The following SPATS1 variants were observed in gnomAD, a reference collection of about 807,000 sequenced individuals.
SPATS1 encodes the protein spermatogenesis associated serine rich 1.
A neutral mutation model predicts 33.6 loss-of-function variants in SPATS1; 23 were observed. That is an observed-to-expected ratio of 0.68 (90% CI 0.49 to 0.97). SPATS1 has a LOEUF of 0.97. Among genes scored for constraint, SPATS1 ranks in the 50% least tolerant of loss-of-function variants. The pLI, the probability that SPATS1 is intolerant of heterozygous loss-of-function variation, is 0.00. For synonymous variants in SPATS1, 131 were observed against 125.6 expected, an observed-to-expected ratio of 1.04 and a Z score of -0.29; for missense variants, 327 against 361.0, an observed-to-expected ratio of 0.91 and a Z score of 0.76.
chr6:44,373,980 C>A (rs1334815422), intron 7 of SPATS1, among the ~76,000 whole-genome samples: 1 of 152,124 alleles, frequency 6.6e-6, no homozygotes, highest in African/African-American at 2.4e-5. Flanking sequence ...AATCATAAAA[C>A]AATTGAAAGC....
intron 4 of SPATS1, among the ~76,000 whole-genome samples, chr6:44,360,932 A>G (rs1463747913): frequency 6.6e-6 from 1 of 152,218 alleles, no homozygotes; most frequent in African/African-American, 2.4e-5. Flanking sequence ...ATACACGTGT[A>G]CATATATAGA....
At chr6:44,352,657 C>A (rs1234034749) in intron 2 of SPATS1, 69 bp from the exon 3 acceptor site, 6 of 1,448,342 alleles carry the variant, frequency 4.1e-6, no homozygotes, top group Non-Finnish European at 5.8e-6. Flanking sequence ...TATTTATAAT[C>A]TAGGAAACAA....
Position 44,375,350 on chromosome 6 carries a change from A to G in SPATS1, c.759-1008A>G, listed in dbSNP as rs182740534. Among the ~76,000 whole-genome samples the G allele has an allele frequency of 3.5e-4, 54 of 152,336 alleles. No individual in the cohort carries two copies. The East Asian group carries it at 5.8e-3, about 16-fold the overall frequency. On this transcript the variant is annotated intron_variant, in intron 7 of 8. Coordinates refer to ENST00000674044, the MANE Select transcript of SPATS1 (RefSeq NM_001372081.1). ...GAGGGATCACAGTTTGCAGAACAGTAAGCGCTGGAGCTCCGGGAGAAGGGC... is the reference window on the plus strand; with the variant it reads ...GAGGGATCACAGTTTGCAGAACAGTGAGCGCTGGAGCTCCGGGAGAAGGGC...
intron 3 of SPATS1, among the ~76,000 whole-genome samples, chr6:44,357,864 T>G (rs1788685353): frequency 6.6e-6 from 1 of 152,226 alleles, no homozygotes; most frequent in South Asian, 2.1e-4. Context: ...GCTGAGCCAG[T>G]GAGTCCTTCC....
chr6:44,367,414 T>C (rs1006659341), intron 5 of SPATS1, among the ~76,000 whole-genome samples: 2 of 152,244 alleles, frequency 1.3e-5, no homozygotes, highest in Admixed American at 6.5e-5. Context: ...ATGGGTGCAG[T>C]TGATGTTATT....
intron 5 of SPATS1, 148 bp downstream of exon 5, chr6:44,362,140 G>GCTGGAGT: frequency 9.9e-7 from 1 of 1,006,512 alleles, no homozygotes. Context: ...AAGTGAAGGG[G>GCTGGAGT]ACAGTTTGCA....
Position 44,376,465 on chromosome 6 carries a change from A to G in SPATS1, c.866A>G (p.His289Arg), listed in dbSNP as rs1384249187. 1 of 1,604,652 alleles carries G rather than the reference A, an allele frequency of 6.2e-7. No homozygotes were observed. Among genetic ancestry groups the G allele is most frequent in the Non-Finnish European group, 8.5e-7 (1 of 1,174,866 alleles). Residue 289 changes from histidine to arginine, a missense_variant, in exon 8 of 9, where the codon CAC becomes CGC. Physicochemically the swap from His to Arg is conservative, Grantham distance 29. Coordinates refer to ENST00000674044, the MANE Select transcript of SPATS1 (RefSeq NM_001372081.1). The stretch of plus-strand genomic sequence containing the variant: ...GCAGTGCCCTTAATGCACATGCTAC[A>G]CCTTTCTGGTGGGTTAAAGAAACTT... Reference protein sequence around the residue: ...QPAVPLMHMLHLSGALDFPRQ... With the variant: ...QPAVPLMHMLRLSGALDFPRQ...
intron 5 of SPATS1, among the ~76,000 whole-genome samples, chr6:44,365,740 C>T (rs913158670): frequency 2.6e-5 from 4 of 152,210 alleles, no homozygotes; most frequent in South Asian, 2.1e-4. Context: ...ATTTGGTGAA[C>T]GGTTCGCTCC....
At chr6:44,345,692 C>T (rs1787833485) in intron 2 of SPATS1, among the ~76,000 whole-genome samples, 2 of 152,200 alleles carry the variant, frequency 1.3e-5, no homozygotes, top group African/African-American at 4.8e-5. Flanking sequence ...CAATTATTGA[C>T]ATAGAGGACA....
At chr6:44,366,570 C>T (rs531490260) in intron 5 of SPATS1, among the ~76,000 whole-genome samples, 58 of 152,226 alleles carry the variant, frequency 3.8e-4, no homozygotes, top group Non-Finnish European at 6.2e-4. Flanking sequence ...AACAAGTTTC[C>T]TAGGTGATTT....
chr6:44,348,636 T>C (rs6911823), intron 2 of SPATS1, among the ~76,000 whole-genome samples: 113,107 of 152,068 alleles, frequency 0.74, 42,350 homozygotes, highest in Admixed American at 0.79. Context: ...TTTTGCTGTA[T>C]GAGCACTGAA....
chr6:44,361,269 T>C, intron 4 of SPATS1: 4 of 873,506 alleles, frequency 4.6e-6, no homozygotes, highest in Non-Finnish European at 5.5e-6. Flanking sequence ...TATCAGATGA[T>C]GAAACAAAGG....
intron 3 of SPATS1, among the ~76,000 whole-genome samples, chr6:44,353,835 A>G (rs1788390744): frequency 6.7e-6 from 1 of 150,318 alleles, no homozygotes; most frequent in South Asian, 2.1e-4. Flanking sequence ...CAGGAGATCA[A>G]GACCATCCTG....
At chr6:44,361,708 T>TTTC in intron 4 of SPATS1, 123 bp from the exon 5 acceptor site, 2 of 1,356,160 alleles carry the variant, frequency 1.5e-6, no homozygotes, top group Non-Finnish European at 1.0e-6. Context: ...ACCAAGGGAT[T>TTTC]ATACACATTA....
intron 7 of SPATS1, among the ~76,000 whole-genome samples, chr6:44,374,535 G>T (rs1247647381): frequency 6.6e-6 from 1 of 152,030 alleles, no homozygotes; most frequent in African/African-American, 2.4e-5. Flanking sequence ...TTGCTTTTAG[G>T]GTAGAATTGG....
chr6:44,358,108 T>A (rs556914102), intron 3 of SPATS1, among the ~76,000 whole-genome samples: 2 of 152,280 alleles, frequency 1.3e-5, no homozygotes, highest in South Asian at 4.1e-4. Flanking sequence ...CCTCCAAAAT[T>A]GCTTATATTC....
In SPATS1 at chr6:44,363,664, C is replaced by A. The variant is rs28449454; in HGVS notation, c.574+1672C>A. On this transcript the variant is annotated intron_variant, in intron 5 of 8. Transcript: ENST00000674044. ...TTTCCTTCCTTCCTTCCCTCCTTCC[C>A]TCCTTCCTTCCTTCCCTCCTTCCCT... 4.0e-4 allele frequency among the ~76,000 whole-genome samples: 6 copies of A among 15,146 alleles called. No individual in the cohort carries two copies. The East Asian group carries it at 4.9e-3, about 12-fold the overall frequency. The allele number at this position is 15,146 out of a possible 152,430, so 9.9% of individuals were successfully genotyped here. A position where few individuals can be genotyped will look rare whatever the true frequency, so the allele number is the denominator to read the frequency against.
intron 7 of SPATS1, among the ~76,000 whole-genome samples, chr6:44,373,518 C>T (rs1291545551): frequency 6.6e-6 from 1 of 152,046 alleles, no homozygotes; most frequent in Non-Finnish European, 1.5e-5. Flanking sequence ...TAGGTTTTTT[C>T]CCAAGTTATT....
intron 5 of SPATS1, among the ~76,000 whole-genome samples, chr6:44,362,700 CTT>C (rs1788994432): frequency 6.6e-6 from 1 of 152,166 alleles, no homozygotes; most frequent in Non-Finnish European, 1.5e-5. Context: ...TTAAAATAGA[CTT>C]AAACTCACAA....
Sources: gnomAD v4.1 joint callset for allele counts (sites outside exome capture counted in the v4.1 genomes callset) on GRCh38, gnomAD v4.1.1 for gene constraint, MANE v1.5 for transcripts, NCBI Gene and HGNC (gene_info 2026-07-23, HGNC 2026-07-21) for gene names.